The following TTC8 variants were observed in gnomAD, a reference collection of about 807,000 sequenced individuals.
The protein encoded by TTC8 is tetratricopeptide repeat domain 8.
In TTC8, 47 loss-of-function variants were observed where a neutral mutation model predicts 72.5. That is an observed-to-expected ratio of 0.65 (90% CI 0.51 to 0.83). The LOEUF (loss-of-function observed/expected upper bound fraction) is 0.83. TTC8 is among the 40% of genes least tolerant of loss of function. The pLI, the probability that TTC8 is intolerant of heterozygous loss-of-function variation, is 0.00. For synonymous variants in TTC8, 199 were observed against 221.4 expected, an observed-to-expected ratio of 0.90 and a Z score of 0.90; for missense variants, 611 against 623.2, an observed-to-expected ratio of 0.98 and a Z score of 0.21.
intron 1 of TTC8, among the ~76,000 whole-genome samples, chr14:88,831,466 G>A (rs1368979169): frequency 1.3e-5 from 2 of 152,178 alleles, no homozygotes; most frequent in African/African-American, 4.8e-5. Flanking sequence ...AAGGATTGCT[G>A]TCTAATACCA....
Position 88,877,564 on chromosome 14 carries a change from T to C in TTC8, c.*154T>C. 3 of 622,914 alleles carry C rather than the reference T, an allele frequency of 4.8e-6. No individual in the cohort carries two copies. The highest frequency in any genetic ancestry group is 5.8e-6 in the Non-Finnish European group (2 of 347,152). 38.6% of individuals were successfully genotyped at this position (622,914 alleles called of 1,614,324 possible). ...GGTGACACATAAGGGTGACACAGAA[T>C]GTGTAATGCAAATTTCATAGTAATA... On this transcript the variant is annotated 3_prime_UTR_variant, in exon 15 of 15. Coordinates refer to ENST00000380656, the MANE Select transcript of TTC8 (RefSeq NM_144596.4).
At chr14:88,878,537 A>G (rs1395134163), downstream of TTC8, 1 of 152,222 alleles carries the variant, frequency 6.6e-6, no homozygotes, top group East Asian at 1.9e-4. Context: ...AGCATTCACT[A>G]CAGACAAGAA....
At chr14:88,831,280 T>C (rs2094724778) in intron 1 of TTC8, among the ~76,000 whole-genome samples, 1 of 152,200 alleles carries the variant, frequency 6.6e-6, no homozygotes, top group Non-Finnish European at 1.5e-5. Flanking sequence ...GCCCCTTTCC[T>C]AGAAAGTTCT....
chr14:88,826,833 T>C (rs2094703794), intron 1 of TTC8, among the ~76,000 whole-genome samples: 1 of 152,188 alleles, frequency 6.6e-6, no homozygotes, highest in African/African-American at 2.4e-5. Context: ...CACGAAACAG[T>C]AGTCCCAAGA....
At chr14:88,831,170 T>C (rs1212975660) in intron 1 of TTC8, 1 of 199,794 alleles carries the variant, frequency 5.0e-6, no homozygotes, top group East Asian at 1.4e-4. Context: ...TGCTCATCAG[T>C]AGAACACCCC....
downstream of TTC8, chr14:88,879,976 G>A (rs1462622993): frequency 6.6e-6 from 1 of 152,010 alleles, no homozygotes; most frequent in African/African-American, 2.4e-5. Context: ...TGCACCCAGC[G>A]TCTCTACACT....
intron 14 of TTC8, among the ~76,000 whole-genome samples, chr14:88,876,810 C>A (rs1235137707): frequency 1.3e-5 from 2 of 152,082 alleles, no homozygotes; most frequent in Admixed American, 6.6e-5. Context: ...TTAAATACAG[C>A]AGTTTTTGCT....
intron 9 of TTC8, among the ~76,000 whole-genome samples, chr14:88,858,541 TTGAAACTATCTGGTATCTAAC>T (rs1203716822): frequency 6.6e-6 from 1 of 151,634 alleles, no homozygotes; most frequent in Non-Finnish European, 1.5e-5. Flanking sequence ...TCAAAAATGT[TTGAAACTATCTGGTATCTAAC>T]TTTATCTTCT....
downstream of TTC8, chr14:88,878,111 A>G (rs1220845233): frequency 6.6e-6 from 1 of 152,132 alleles, no homozygotes; most frequent in African/African-American, 2.4e-5. Context: ...TATACCACCA[A>G]TTCTGTTTTT....
intron 7 of TTC8, chr14:88,846,651 G>T (rs1451813161): frequency 6.9e-7 from 1 of 1,455,376 alleles, no homozygotes; most frequent in African/African-American, 1.4e-5. Flanking sequence ...TCTTATTGAG[G>T]AATAAAAATC....
chr14:88,857,264 T>C lies in TTC8; in HGVS notation c.785T>C (p.Leu262Pro), dbSNP rs1459496188. ...LKQQEMVDTF[L>P]YLAKVYVSLD... ...CAGCAGGAAATGGTAGATACATTTC[T>C]GTACTTGGCAAAAGTAAGTAAATCT... is the stretch of plus-strand genomic sequence containing the variant. Residue 262 changes from leucine to proline, a missense_variant, in exon 9 of 15, where the codon CTG becomes CCG. Coordinates refer to ENST00000380656, the MANE Select transcript of TTC8 (RefSeq NM_144596.4). 2 of 1,613,662 alleles carry C rather than the reference T, an allele frequency of 1.2e-6. No individual in the cohort carries two copies. Among genetic ancestry groups the C allele is most frequent in the Non-Finnish European group, 1.7e-6 (2 of 1,179,678 alleles).
At chr14:88,842,837 C>G (rs10150510) in intron 6 of TTC8, among the ~76,000 whole-genome samples, 48,960 of 151,962 alleles carry the variant, frequency 0.32, 8,095 homozygotes, top group Non-Finnish European at 0.37. Flanking sequence ...TAGGGTGACT[C>G]TATGACACTG....
intron 7 of TTC8, among the ~76,000 whole-genome samples, chr14:88,847,093 A>T (rs1434861493): frequency 1.3e-5 from 2 of 152,124 alleles, no homozygotes; most frequent in Non-Finnish European, 2.9e-5. Flanking sequence ...TCTGTGCTAG[A>T]CTTCTTGAGT....
chr14:88,828,438 A>C (rs2094711555), intron 1 of TTC8, among the ~76,000 whole-genome samples: 1 of 152,178 alleles, frequency 6.6e-6, no homozygotes, highest in Non-Finnish European at 1.5e-5. Context: ...TGAGGTTTTG[A>C]CATTTGAGAG....
chr14:88,873,483 C>T (rs992773972), intron 13 of TTC8, among the ~76,000 whole-genome samples: 1 of 152,252 alleles, frequency 6.6e-6, no homozygotes, highest in South Asian at 2.1e-4. Context: ...TGTAGAATGT[C>T]AGCTGTATGA....
intron 9 of TTC8, among the ~76,000 whole-genome samples, chr14:88,859,339 A>G (rs1278730598): frequency 6.6e-6 from 1 of 152,192 alleles, no homozygotes. Flanking sequence ...TACAGCCATA[A>G]AAAAGAATGA....
At chr14:88,867,212 A>G (rs1184551171) in intron 10 of TTC8, among the ~76,000 whole-genome samples, 3 of 152,212 alleles carry the variant, frequency 2.0e-5, no homozygotes, top group Non-Finnish European at 2.9e-5. Context: ...ATTTTCATAC[A>G]AGTGCACAAA....
intron 7 of TTC8, chr14:88,846,616 G>A: frequency 6.8e-7 from 1 of 1,461,892 alleles, no homozygotes; most frequent in Non-Finnish European, 9.2e-7. Flanking sequence ...TGAAGATGTA[G>A]TTCTACATCT....
At position 88,871,081 on chromosome 14, in the gene TTC8, T is replaced by C. The variant is rs1001401714; in HGVS notation, c.1050-468T>C. Among the ~76,000 whole-genome samples the C allele has an allele frequency of 3.9e-5, 6 of 152,226 alleles. No individual in the cohort carries two copies. Among genetic ancestry groups the C allele is most frequent in the Non-Finnish European group, 7.3e-5 (5 of 68,038 alleles). On this transcript the variant is annotated intron_variant, in intron 11 of 14. Transcript: ENST00000380656. This position sits in a 1 kb window ranked among gnomAD's most constrained non-coding sequence, Gnocchi z 4.1. Reference sequence around the variant, plus strand: ...TCTTGTCTTCCTCAGTGGAAGCTCATTGGAGTTCAGTAGACACAGCTGAAG... The same window carrying C: ...TCTTGTCTTCCTCAGTGGAAGCTCACTGGAGTTCAGTAGACACAGCTGAAG...
Sources: allele counts gnomAD v4.1 joint callset (sites outside exome capture counted in the v4.1 genomes callset), GRCh38; gene constraint gnomAD v4.1.1; non-coding constraint Gnocchi (gnomAD v3.1); transcripts MANE v1.5; gene names NCBI Gene and HGNC (gene_info 2026-07-23, HGNC 2026-07-21).